LARGE1: variants seen among roughly 807,000 people sequenced by gnomAD.
LARGE1 encodes LARGE xylosyl- and glucuronyltransferase 1.
A neutral mutation model predicts 87.6 loss-of-function variants in LARGE1; 43 were observed. That is an observed-to-expected ratio of 0.49 (90% CI 0.38 to 0.63). The LOEUF is 0.63. Among genes scored for constraint, LARGE1 ranks in the 30% least tolerant of loss-of-function variants. The pLI is 0.00. For missense variants in LARGE1, 802 were observed against 1,000.2 expected (o/e 0.80, Z 2.67); for synonymous variants, 434 against 394.6 (o/e 1.10, Z -1.18).
chr22:33,705,358 G>C (rs767675119), intron 2 of LARGE1, among the ~76,000 whole-genome samples: 13 of 152,106 alleles, frequency 8.5e-5, no homozygotes, highest in Admixed American at 2.6e-4. Context: ...TGAGTTGAAG[G>C]GTCTATCATG....
At chr22:33,288,170 G>A (rs5998847) in intron 12 of LARGE1, among the ~76,000 whole-genome samples, 9,913 of 152,260 alleles carry the variant, frequency 0.065, 1,065 homozygotes, top group African/African-American at 0.23. Flanking sequence ...GTGTTTCATA[G>A]ACGTGTTAAA....
At chr22:33,740,983 C>T (rs1050643454) in intron 2 of LARGE1, among the ~76,000 whole-genome samples, 2 of 152,168 alleles carry the variant, frequency 1.3e-5, no homozygotes, top group Non-Finnish European at 2.9e-5. Flanking sequence ...GAAGAGTAGG[C>T]CTTGTGCAGA....
chr22:33,729,278 A>C (rs139744328), intron 2 of LARGE1, among the ~76,000 whole-genome samples: 1 of 152,346 alleles, frequency 6.6e-6, no homozygotes, highest in Non-Finnish European at 1.5e-5. Flanking sequence ...AGCCAAAGAT[A>C]CTGACTGCAA....
At chr22:33,710,865 C>T (rs1334939491) in intron 2 of LARGE1, among the ~76,000 whole-genome samples, 1 of 152,118 alleles carries the variant, frequency 6.6e-6, no homozygotes, top group Non-Finnish European at 1.5e-5. Flanking sequence ...CATTAGAGTA[C>T]ACGATAAATG....
chr22:33,600,549 C>T (rs888780826), intron 5 of LARGE1, among the ~76,000 whole-genome samples: 3 of 152,136 alleles, frequency 2.0e-5, no homozygotes, highest in East Asian at 3.9e-4. Context: ...GTACACGTAA[C>T]TTTAGCAAAA....
chr22:33,370,826 CTG>C (rs1338355938), intron 9 of LARGE1, among the ~76,000 whole-genome samples: 1 of 148,598 alleles, frequency 6.7e-6, no homozygotes, highest in Non-Finnish European at 1.5e-5. Context: ...TAATTTAACA[CTG>C]TTAAATTAAA....
chr22:33,223,671 C>T (rs531813810), intron 11 of LARGE1, among the ~76,000 whole-genome samples: 26 of 152,272 alleles, frequency 1.7e-4, no homozygotes, highest in African/African-American at 6.3e-4. Context: ...CAATTCAGCC[C>T]CTCAGAGGTC....
intron 6 of LARGE1, among the ~76,000 whole-genome samples, chr22:33,530,945 T>C (rs1411088416): frequency 2.0e-5 from 3 of 152,198 alleles, no homozygotes; most frequent in Non-Finnish European, 2.9e-5. Flanking sequence ...ATTGCAGAGC[T>C]TGACTCTCTA....
At chr22:33,393,516 T>A (rs1005698226) in intron 7 of LARGE1, among the ~76,000 whole-genome samples, 1 of 152,232 alleles carries the variant, frequency 6.6e-6, no homozygotes, top group Non-Finnish European at 1.5e-5. Context: ...AATGGTTCCA[T>A]TTGAAACTGG....
chr22:33,577,108 T>C (rs1180780861), intron 5 of LARGE1, among the ~76,000 whole-genome samples: 1 of 152,206 alleles, frequency 6.6e-6, no homozygotes, highest in Non-Finnish European at 1.5e-5. Flanking sequence ...AAGATTTTGT[T>C]TCTGTTACCA....
chr22:33,141,009 T>C, the LARGE1 span, among the ~76,000 whole-genome samples: 1 of 152,326 alleles, frequency 6.6e-6, no homozygotes, highest in East Asian at 1.9e-4. Context: ...GAAAATATTT[T>C]TAACAATTAT....
At chr22:33,281,961 T>A (rs1930523972) in intron 13 of LARGE1, among the ~76,000 whole-genome samples, 1 of 152,232 alleles carries the variant, frequency 6.6e-6, no homozygotes, top group Admixed American at 6.5e-5. Context: ...ATGTTTTCAG[T>A]AAAATTCCGA....
chr22:33,406,344 C>T (rs926952660), intron 7 of LARGE1, among the ~76,000 whole-genome samples: 17 of 152,142 alleles, frequency 1.1e-4, no homozygotes, highest in African/African-American at 3.6e-4. Flanking sequence ...CCTTGAGATC[C>T]GACCCACAAA....
intron 4 of LARGE1, among the ~76,000 whole-genome samples, chr22:33,625,137 T>G (rs1769404621): frequency 6.6e-6 from 1 of 152,176 alleles, no homozygotes; most frequent in African/African-American, 2.4e-5. Context: ...ATGGAGAGCC[T>G]CCTGGATCCT....
At chr22:33,650,871 G>GA (rs1208456474) in intron 2 of LARGE1, among the ~76,000 whole-genome samples, 8 of 152,142 alleles carry the variant, frequency 5.3e-5, no homozygotes, top group Non-Finnish European at 8.8e-5. Flanking sequence ...TTATTATGGT[G>GA]ATAAAAGCTA....
chr22:33,412,145 G>A (rs1318640066), intron 7 of LARGE1, among the ~76,000 whole-genome samples: 3 of 152,106 alleles, frequency 2.0e-5, no homozygotes, highest in Admixed American at 1.3e-4. Context: ...TTAGCCAGGC[G>A]TGGTGGCACG....
intron 6 of LARGE1, among the ~76,000 whole-genome samples, chr22:33,481,608 GAGA>G (rs2069331023): frequency 1.3e-5 from 2 of 152,116 alleles, no homozygotes; most frequent in Non-Finnish European, 2.9e-5. Flanking sequence ...AAGCAGATAA[GAGA>G]AACACCACCA....
intron 11 of LARGE1, among the ~76,000 whole-genome samples, chr22:33,305,827 C>CT (rs1934801866): frequency 6.8e-6 from 1 of 146,480 alleles, no homozygotes; most frequent in African/African-American, 2.6e-5. Flanking sequence ...TGACCAGAAA[C>CT]ATTTCTTTTT....
At chr22:33,169,357 T>C (rs1309943331) in intron 11 of LARGE1, among the ~76,000 whole-genome samples, 2 of 152,104 alleles carry the variant, frequency 1.3e-5, no homozygotes, top group Non-Finnish European at 2.9e-5. Flanking sequence ...TGCTAAGAAT[T>C]TGTGCTTGAT....
Sources: allele counts gnomAD v4.1 joint callset (sites outside exome capture counted in the v4.1 genomes callset), GRCh38; gene constraint gnomAD v4.1.1; transcripts MANE v1.5; gene names NCBI Gene and HGNC (gene_info 2026-07-23, HGNC 2026-07-21).